Variants in SRPK2 observed in about 807,000 individuals in gnomAD.
SRPK2 encodes the protein SFRS protein kinase 2.
SRPK2 carries 21 observed loss-of-function variants against 90.8 expected under a neutral mutation model. The observed-to-expected ratio is 0.23, with a 90% CI of 0.16 to 0.33. The LOEUF is 0.33. Ranked by LOEUF, SRPK2 falls within the 10% of genes least tolerant of loss-of-function variation. The pLI, the probability that SRPK2 is intolerant of heterozygous loss-of-function variation, is 1.00. For synonymous variants in SRPK2, 288 were observed against 311.1 expected (o/e 0.93, Z 0.78); for missense variants, 620 against 869.0 (o/e 0.71, Z 3.60).
chr7:105,206,153 C>T (rs1796213754), intron 2 of SRPK2, among the ~76,000 whole-genome samples: 1 of 152,154 alleles, frequency 6.6e-6, no homozygotes, highest in African/African-American at 2.4e-5. Context: ...CCCCCACCCC[C>T]ACCCCACCAC....
intron 2 of SRPK2, among the ~76,000 whole-genome samples, chr7:105,221,637 CT>C (rs1397425734): frequency 6.6e-6 from 1 of 152,140 alleles, no homozygotes; most frequent in Non-Finnish European, 1.5e-5. Flanking sequence ...CTGCTTTTTT[CT>C]GTGGTGTCTC....
chr7:105,332,104 G>A (rs1296436814), intron 2 of SRPK2, among the ~76,000 whole-genome samples: 1 of 151,996 alleles, frequency 6.6e-6, no homozygotes, highest in African/African-American at 2.4e-5. Context: ...ACAAAACAAG[G>A]GCGAATAATA....
chr7:105,165,730 A>G (rs1273624562), intron 6 of SRPK2, among the ~76,000 whole-genome samples: 2 of 152,184 alleles, frequency 1.3e-5, no homozygotes, highest in African/African-American at 4.8e-5. Flanking sequence ...GGCACGGACA[A>G]ATGAGGGAAT....
Position 105,205,963 on chromosome 7 carries a change from A to G in SRPK2, c.72-2178T>C. On this transcript the variant is annotated intron_variant, in intron 2 of 15. Transcript: ENST00000393651. ...CACACACACATTGAGTTTGCTGTAG[A>G]AACTACTTGAAGAAAAGACAAGAAA... 3 of 519,078 alleles carry G rather than the reference A, an allele frequency of 5.8e-6. 1 individual carries two copies. Among genetic ancestry groups the G allele is most frequent in the South Asian group, 4.2e-5 (3 of 71,598 alleles). The allele number at this position is 519,078 out of a possible 1,614,324, so 32.2% of individuals were successfully genotyped here.
At chr7:105,162,188 T>C (rs1312082655) in intron 6 of SRPK2, among the ~76,000 whole-genome samples, 1 of 152,160 alleles carries the variant, frequency 6.6e-6, no homozygotes, top group East Asian at 1.9e-4. Context: ...ATTACAGGCG[T>C]GTGCCACTAT....
chr7:105,281,137 C>A (rs1563187196), intron 2 of SRPK2, among the ~76,000 whole-genome samples: 2 of 151,562 alleles, frequency 1.3e-5, no homozygotes, highest in South Asian at 4.2e-4. Context: ...CTCTAGGTCG[C>A]CCAGGCTGGA....
At chr7:105,309,805 C>G (rs764222816) in intron 2 of SRPK2, among the ~76,000 whole-genome samples, 11 of 152,292 alleles carry the variant, frequency 7.2e-5, no homozygotes, top group Non-Finnish European at 1.6e-4. Flanking sequence ...CATTATAGAT[C>G]TTACTTATCC....
At chr7:105,195,419 G>A (rs1459434452) in intron 3 of SRPK2, among the ~76,000 whole-genome samples, 2 of 152,194 alleles carry the variant, frequency 1.3e-5, no homozygotes, top group South Asian at 2.1e-4. Flanking sequence ...GCTTTCTTTC[G>A]GTTTTCTGTG....
At chr7:105,381,135 T>C (rs1289041752) in intron 2 of SRPK2, among the ~76,000 whole-genome samples, 1 of 151,886 alleles carries the variant, frequency 6.6e-6, no homozygotes, top group Admixed American at 6.6e-5. Flanking sequence ...TCCCAGCTAC[T>C]TGGGAGGCTG....
In SRPK2 at chr7:105,354,897, T is replaced by G. The variant is rs572333043; in HGVS notation, c.71+33751A>C. Among the ~76,000 whole-genome samples the G allele has an allele frequency of 3.3e-4, 50 of 152,218 alleles. 2 individuals carry two copies. In the South Asian group the frequency reaches 0.01, roughly 32 times the overall value. On this transcript the variant is annotated intron_variant, in intron 2 of 15. Transcript: ENST00000393651. ...TACCCATCAACAGGCACGCCCCATA[T>G]TTCCCCCTCCCCACCAGCTCTAGGT...
At chr7:105,396,832 GAGAGAA>G (rs879574297) in intron 1 of SRPK2, among the ~76,000 whole-genome samples, 117 of 149,298 alleles carry the variant, frequency 7.8e-4, no homozygotes, top group Middle Eastern at 6.8e-3. Flanking sequence ...GAGAGAGAGA[GAGAGAA>G]AGAAATAGAG....
At chr7:105,188,093 T>G (rs1434650527) in intron 3 of SRPK2, among the ~76,000 whole-genome samples, 1 of 152,212 alleles carries the variant, frequency 6.6e-6, no homozygotes, top group Non-Finnish European at 1.5e-5. Flanking sequence ...CAGCAGCATA[T>G]TCTCAATAGC....
chr7:105,253,664 C>G (rs532732513), intron 2 of SRPK2, among the ~76,000 whole-genome samples: 1 of 152,132 alleles, frequency 6.6e-6, no homozygotes, highest in Non-Finnish European at 1.5e-5. Context: ...ACAGAGAGCA[C>G]GCCCCTGTCC....
At position 105,242,809 on chromosome 7, in the gene SRPK2, C is replaced by T. The variant is rs186976699; in HGVS notation, c.72-39024G>A. 1.1e-4 allele frequency among the ~76,000 whole-genome samples: 17 copies of T among 152,298 alleles called. No homozygotes were observed. In the East Asian group the frequency reaches 2.9e-3, roughly 26 times the overall value. On this transcript the variant is annotated intron_variant, in intron 2 of 15. Coordinates refer to ENST00000393651, the MANE Select transcript of SRPK2 (RefSeq NM_182692.3). ...GTTCACCATTGAGTCTCGAGGCAAG[C>T]CGGATCTCCAATCCTTAAAGTGACC...
At chr7:105,207,425 C>T (rs945060611) in intron 2 of SRPK2, among the ~76,000 whole-genome samples, 3 of 152,076 alleles carry the variant, frequency 2.0e-5, no homozygotes, top group Admixed American at 6.5e-5. Context: ...CTCATTAAGT[C>T]TATCAACAGA....
At chr7:105,200,483 C>T (rs1041489329) in intron 3 of SRPK2, among the ~76,000 whole-genome samples, 1 of 152,000 alleles carries the variant, frequency 6.6e-6, no homozygotes, top group Non-Finnish European at 1.5e-5. Flanking sequence ...TCAGTCCACC[C>T]GAGACAGAAA....
chr7:105,391,672 C>T (rs76574798), upstream of SRPK2, among the ~76,000 whole-genome samples: 1,646 of 151,558 alleles, frequency 0.011, 23 homozygotes, highest in African/African-American at 0.038. Context: ...GAGACCCCAT[C>T]TCAAAAAAAA....
At chr7:105,260,417 GC>G (rs1290750877) in intron 2 of SRPK2, among the ~76,000 whole-genome samples, 2 of 152,178 alleles carry the variant, frequency 1.3e-5, no homozygotes, top group Non-Finnish European at 2.9e-5. Flanking sequence ...AAATAGGAAG[GC>G]TTTTACACTG....
At chr7:105,244,541 T>TC in intron 2 of SRPK2, 1 of 541,812 alleles carries the variant, frequency 1.8e-6, no homozygotes, top group Non-Finnish European at 3.3e-6. Context: ...GCCACTGCAC[T>TC]CCCGCCTGGG....
Sources: gnomAD v4.1 joint callset for allele counts (sites outside exome capture counted in the v4.1 genomes callset) on GRCh38, gnomAD v4.1.1 for gene constraint, MANE v1.5 for transcripts, NCBI Gene and HGNC (gene_info 2026-07-23, HGNC 2026-07-21) for gene names.